ANKS1B: variants seen among roughly 807,000 people sequenced by gnomAD.
ANKS1B encodes ankyrin repeat and sterile alpha motif domain containing 1B.
ANKS1B carries 36 observed loss-of-function variants against 148.3 expected under a neutral mutation model. The observed-to-expected ratio is 0.24, with a 90% CI of 0.19 to 0.32. ANKS1B has a LOEUF of 0.32. ANKS1B is among the 10% of genes least tolerant of loss of function. The probability of loss-of-function intolerance (pLI) is 1.00; values close to 1 mark genes in which losing one functional copy is unlikely to be tolerated. For synonymous variants in ANKS1B, 542 were observed against 560.8 expected (o/e 0.97, Z 0.47); for missense variants, 1,157 against 1,542.6 (o/e 0.75, Z 4.19).
intron 1 of ANKS1B, among the ~76,000 whole-genome samples, chr12:99,909,105 C>T (rs2093903218): frequency 6.6e-6 from 1 of 151,284 alleles, no homozygotes; most frequent in African/African-American, 2.4e-5. Flanking sequence ...TGAGATCATG[C>T]AGTGTTTTTC....
chr12:99,293,047 C>A (rs2080262818), intron 12 of ANKS1B, among the ~76,000 whole-genome samples: 1 of 152,164 alleles, frequency 6.6e-6, no homozygotes, highest in Non-Finnish European at 1.5e-5. Flanking sequence ...AAGACACATG[C>A]ACACATATGT....
At chr12:98,893,261 T>C (rs2152702211) in intron 17 of ANKS1B, among the ~76,000 whole-genome samples, 1 of 152,274 alleles carries the variant, frequency 6.6e-6, no homozygotes, top group Middle Eastern at 3.4e-3. Context: ...TGAGGAAGCC[T>C]TTCCGGTGGC....
intron 15 of ANKS1B, among the ~76,000 whole-genome samples, chr12:99,125,922 T>C (rs2064200969): frequency 6.6e-6 from 1 of 152,046 alleles, no homozygotes; most frequent in Admixed American, 6.6e-5. Flanking sequence ...ACCTGATCTC[T>C]ATAGGATGTC....
chr12:99,872,774 T>C (rs1463672889), intron 1 of ANKS1B, among the ~76,000 whole-genome samples: 1 of 152,148 alleles, frequency 6.6e-6, no homozygotes, highest in Non-Finnish European at 1.5e-5. Context: ...TGTTGCCTCT[T>C]CTCTTTATAA....
chr12:99,468,380 C>G (rs983642534), intron 10 of ANKS1B, among the ~76,000 whole-genome samples: 5 of 152,140 alleles, frequency 3.3e-5, no homozygotes, highest in African/African-American at 1.2e-4. Flanking sequence ...TAGGCATGGG[C>G]AAGGACTTCA....
rs190648138 is a variant in ANKS1B at position 98,941,891 on chromosome 12, G to A, written c.2779-109755C>T. On this transcript the variant is annotated intron_variant, in intron 17 of 26. Transcript: ENST00000683438. ...CAGCTGTGGCACAGTAAGTTTAAACGTAAACAGCCAAAACTGTCAGTAGAG... is the reference window on the plus strand; with the variant it reads ...CAGCTGTGGCACAGTAAGTTTAAACATAAACAGCCAAAACTGTCAGTAGAG... 5.4e-3 allele frequency among the ~76,000 whole-genome samples: 822 copies of A among 152,244 alleles called. 4 individuals carry two copies. Among genetic ancestry groups the A allele is most frequent in the African/African-American group, 0.012 (484 of 41,552 alleles).
intron 1 of ANKS1B, among the ~76,000 whole-genome samples, chr12:99,923,911 A>G (rs190606177): frequency 2.4e-4 from 36 of 152,266 alleles, no homozygotes; most frequent in African/African-American, 8.2e-4. Flanking sequence ...TCATGCTGGT[A>G]CAAGGTTGAA....
intron 12 of ANKS1B, among the ~76,000 whole-genome samples, chr12:99,378,289 G>A (rs1420053504): frequency 6.6e-6 from 1 of 152,096 alleles, no homozygotes; most frequent in Non-Finnish European, 1.5e-5. Flanking sequence ...TTTGTTTAAT[G>A]GACTGAAACC....
At chr12:99,288,202 C>T (rs922273064) in intron 12 of ANKS1B, among the ~76,000 whole-genome samples, 3 of 152,034 alleles carry the variant, frequency 2.0e-5, no homozygotes, top group African/African-American at 7.2e-5. Flanking sequence ...AAAAGAACTT[C>T]AATATGTCTG....
chr12:98,890,341 C>A (rs1483448310), intron 17 of ANKS1B, among the ~76,000 whole-genome samples: 1 of 152,126 alleles, frequency 6.6e-6, no homozygotes, highest in African/African-American at 2.4e-5. Context: ...ACCTTCCATT[C>A]TGGAGTAAAG....
intron 17 of ANKS1B, among the ~76,000 whole-genome samples, chr12:98,946,939 CAAAAAAAAAA>C (rs57197334): frequency 7.2e-5 from 3 of 41,556 alleles, no homozygotes; most frequent in East Asian, 8.7e-4. Context: ...GATCTTTTCT[CAAAAAAAAAA>C]AAAAAAAAAA....
intron 15 of ANKS1B, among the ~76,000 whole-genome samples, chr12:99,085,866 T>C (rs1486387844): frequency 1.3e-5 from 2 of 151,386 alleles, no homozygotes; most frequent in African/African-American, 4.9e-5. Context: ...TGTTGGAGGG[T>C]GGAGGATGGA....
intron 17 of ANKS1B, among the ~76,000 whole-genome samples, chr12:98,931,982 C>A (rs1230494231): frequency 6.6e-6 from 1 of 152,136 alleles, no homozygotes; most frequent in Admixed American, 6.6e-5. Context: ...TTGTGTTGCT[C>A]AGGGGTTGCC....
In ANKS1B at chr12:99,339,842, T is replaced by C. The variant is rs1008018272; in HGVS notation, c.1756+59789A>G. On this transcript the variant is annotated intron_variant, in intron 12 of 26. Coordinates refer to ENST00000683438, the MANE Select transcript of ANKS1B (RefSeq NM_001352186.2). ...CACTTTCGCACAAAACTTTTAGTCCTCTACCAAACAGAAACTGAGACTCTG... is the reference window on the plus strand; with the variant it reads ...CACTTTCGCACAAAACTTTTAGTCCCCTACCAAACAGAAACTGAGACTCTG... Among the ~76,000 whole-genome samples, 5 of 152,252 alleles carry C rather than the reference T, an allele frequency of 3.3e-5. No homozygotes were observed. The East Asian group carries it at 9.7e-4, about 29-fold the overall frequency.
intron 1 of ANKS1B, among the ~76,000 whole-genome samples, chr12:99,954,783 A>G (rs1325976892): frequency 6.6e-6 from 1 of 152,152 alleles, no homozygotes; most frequent in African/African-American, 2.4e-5. Context: ...CTACAATGCA[A>G]AGGAAAACCC....
Position 99,238,552 on chromosome 12 carries a change from A to G in ANKS1B, c.2419+5790T>C, listed in dbSNP as rs926025228. On this transcript the variant is annotated intron_variant, in intron 14 of 26. Coordinates refer to ENST00000683438, the MANE Select transcript of ANKS1B (RefSeq NM_001352186.2). The stretch of plus-strand genomic sequence containing the variant: ...CCTGTCTGACAGCTCGGAAGAAAGC[A>G]GTGGTTCTCTCAGCACAGCGTTTGA... 3.9e-5 allele frequency among the ~76,000 whole-genome samples: 6 copies of G among 152,324 alleles called. No individual in the cohort carries two copies. The South Asian group carries it at 1.2e-3, about 32-fold the overall frequency.
At chr12:99,430,014 C>T (rs2095340777) in intron 11 of ANKS1B, among the ~76,000 whole-genome samples, 1 of 147,332 alleles carries the variant, frequency 6.8e-6, no homozygotes, top group African/African-American at 2.5e-5. Flanking sequence ...GCTAATGAGG[C>T]ATTAGAACAG....
At chr12:99,766,657 G>T (rs2153613882) in intron 8 of ANKS1B, among the ~76,000 whole-genome samples, 1 of 152,152 alleles carries the variant, frequency 6.6e-6, no homozygotes, top group South Asian at 2.1e-4. Context: ...ACATCCAAAA[G>T]GTCTGTTCAA....
rs566655159 is a variant in ANKS1B, at chr12:99,698,982, G to C, written c.1129-43772C>G. On this transcript the variant is annotated intron_variant, in intron 8 of 26. Coordinates refer to ENST00000683438, the MANE Select transcript of ANKS1B (RefSeq NM_001352186.2). Reference sequence around the variant, plus strand: ...TCTGTGTGTGTGTGTGGGTGTGCACGCACGTGCGCAAGCACATGTGCGTGC... The same window carrying C: ...TCTGTGTGTGTGTGTGGGTGTGCACCCACGTGCGCAAGCACATGTGCGTGC... Among the ~76,000 whole-genome samples the C allele has an allele frequency of 2.0e-5, 3 of 152,240 alleles. No homozygotes were observed. The South Asian group carries it at 6.2e-4, about 32-fold the overall frequency.
Sources: allele counts gnomAD v4.1 joint callset (sites outside exome capture counted in the v4.1 genomes callset), GRCh38; gene constraint gnomAD v4.1.1; transcripts MANE v1.5; gene names NCBI Gene and HGNC (gene_info 2026-07-23, HGNC 2026-07-21).